The following TOX variants were observed in gnomAD, a reference collection of about 807,000 sequenced individuals.
TOX encodes the protein thymocyte selection-associated high mobility group box protein TOX.
In TOX, 11 loss-of-function variants were observed where a neutral mutation model predicts 53.7. That is an observed-to-expected ratio of 0.20 (90% CI 0.13 to 0.34). The LOEUF is 0.34. TOX is among the 10% of genes least tolerant of loss of function. TOX has a pLI of 1.00. For missense variants in TOX, 570 were observed against 664.6 expected, an observed-to-expected ratio of 0.86 and a Z score of 1.56; for synonymous variants, 225 against 245.3, an observed-to-expected ratio of 0.92 and a Z score of 0.77.
intron 1 of TOX, among the ~76,000 whole-genome samples, chr8:59,106,900 A>G (rs549251856): frequency 6.6e-6 from 1 of 152,300 alleles, no homozygotes; most frequent in Non-Finnish European, 1.5e-5. Context: ...AAATGTGTCA[A>G]AAAGATTTTG....
chr8:59,087,924 T>G (rs1359114008), intron 1 of TOX, among the ~76,000 whole-genome samples: 1 of 152,218 alleles, frequency 6.6e-6, no homozygotes, highest in East Asian at 1.9e-4. Flanking sequence ...ATAAAACCAC[T>G]TTTATTTATG....
At chr8:59,062,385 G>A (rs1804001402) in intron 1 of TOX, among the ~76,000 whole-genome samples, 1 of 152,208 alleles carries the variant, frequency 6.6e-6, no homozygotes, top group Non-Finnish European at 1.5e-5. Flanking sequence ...ACCAGTAAGG[G>A]CTGGTGCAGG....
chr8:58,936,052 T>G (rs1305945433), intron 3 of TOX, among the ~76,000 whole-genome samples: 4 of 152,218 alleles, frequency 2.6e-5, no homozygotes, highest in South Asian at 2.1e-4. Flanking sequence ...CTACACAGGG[T>G]CCTATTGCCA....
intron 1 of TOX, among the ~76,000 whole-genome samples, chr8:59,013,165 T>C (rs1250858091): frequency 6.6e-6 from 1 of 152,170 alleles, no homozygotes; most frequent in African/African-American, 2.4e-5. Flanking sequence ...CACACTATCA[T>C]AAAACTGCTC....
chr8:58,998,358 A>G (rs1406886323), intron 1 of TOX, among the ~76,000 whole-genome samples: 1 of 150,484 alleles, frequency 6.6e-6, no homozygotes, highest in African/African-American at 2.5e-5. Flanking sequence ...GTTCGGTGGC[A>G]TGCACCTGTG....
Position 58,954,122 on chromosome 8 carries a change from T to C in TOX, c.168+5821A>G, listed in dbSNP as rs190384621. On this transcript the variant is annotated intron_variant, in intron 2 of 8. Coordinates refer to ENST00000361421, the MANE Select transcript of TOX (RefSeq NM_014729.3). The stretch of plus-strand genomic sequence containing the variant: ...AAACAACAGCATGATGTTATTGTAA[T>C]AAGCATTGACTGTCATTATCTAGTT... Among the ~76,000 whole-genome samples, 1,023 of 152,282 alleles carry C rather than the reference T, an allele frequency of 6.7e-3. 6 individuals carry two copies. The highest frequency in any genetic ancestry group is 0.024 in the African/African-American group (978 of 41,530).
At chr8:58,914,224 A>C (rs547403530) in intron 3 of TOX, among the ~76,000 whole-genome samples, 51 of 152,320 alleles carry the variant, frequency 3.3e-4, no homozygotes, top group African/African-American at 1.2e-3. Context: ...GTAGCTGTAT[A>C]AACTTAGGCA....
At chr8:58,896,267 A>G (rs1240407394) in intron 3 of TOX, among the ~76,000 whole-genome samples, 2 of 152,152 alleles carry the variant, frequency 1.3e-5, no homozygotes, top group African/African-American at 2.4e-5. Context: ...AGAGGGGAAA[A>G]CACACCCACA....
intron 4 of TOX, 143 bp from the exon 5 acceptor site, chr8:58,838,454 T>A: frequency 3.0e-6 from 2 of 668,348 alleles, no homozygotes. Flanking sequence ...ATTGTTTTGT[T>A]ATTTTTTTTT....
At chr8:58,864,652 CCTTT>C (rs1811065958) in intron 3 of TOX, among the ~76,000 whole-genome samples, 1 of 152,116 alleles carries the variant, frequency 6.6e-6, no homozygotes, top group Admixed American at 6.6e-5. Flanking sequence ...TCCATCAAAA[CCTTT>C]CTTTATATTG....
At chr8:58,842,819 C>T (rs1291272905) in intron 4 of TOX, among the ~76,000 whole-genome samples, 1 of 152,182 alleles carries the variant, frequency 6.6e-6, no homozygotes, top group Non-Finnish European at 1.5e-5. Flanking sequence ...ATAGAAAAGC[C>T]TAAATAATTC....
At chr8:58,998,501 A>ATG (rs1813607564) in intron 1 of TOX, among the ~76,000 whole-genome samples, 1 of 75,852 alleles carries the variant, frequency 1.3e-5, no homozygotes, top group Non-Finnish European at 2.3e-5. Context: ...AAGTATATAT[A>ATG]TATATATATA....
At chr8:58,875,709 A>C (rs1811271408) in intron 3 of TOX, among the ~76,000 whole-genome samples, 3 of 152,234 alleles carry the variant, frequency 2.0e-5, no homozygotes, top group African/African-American at 4.8e-5. Flanking sequence ...AGAAGTGAGC[A>C]GAGGGTATGG....
chr8:58,947,828 G>A (rs543329096), intron 2 of TOX, among the ~76,000 whole-genome samples: 2 of 152,342 alleles, frequency 1.3e-5, no homozygotes, highest in East Asian at 1.9e-4. Flanking sequence ...GATGCGATAA[G>A]TGATCAGGGG....
At chr8:59,077,727 G>A (rs560320922) in intron 1 of TOX, among the ~76,000 whole-genome samples, 39 of 152,188 alleles carry the variant, frequency 2.6e-4, no homozygotes, top group Non-Finnish European at 5.3e-4. Context: ...GGTTGATACT[G>A]AATGAAGTTC....
chr8:58,884,572 G>A (rs1291104269), intron 3 of TOX, among the ~76,000 whole-genome samples: 1 of 152,086 alleles, frequency 6.6e-6, no homozygotes, highest in Non-Finnish European at 1.5e-5. Flanking sequence ...GCTCTTTCTG[G>A]TGCTTCTACC....
chr8:58,927,710 C>T (rs10100038), intron 3 of TOX, among the ~76,000 whole-genome samples: 1,972 of 152,266 alleles, frequency 0.013, 57 homozygotes, highest in African/African-American at 0.045. Flanking sequence ...AAAACCCAGA[C>T]CACAACCTAT....
chr8:59,042,069 T>C (rs1321898579), intron 1 of TOX, among the ~76,000 whole-genome samples: 2 of 152,218 alleles, frequency 1.3e-5, no homozygotes, highest in Non-Finnish European at 2.9e-5. Flanking sequence ...TTGGGAACAC[T>C]TGTACTACAA....
intron 3 of TOX, among the ~76,000 whole-genome samples, chr8:58,918,638 C>T (rs1292712957): frequency 2.3e-5 from 1 of 43,118 alleles, no homozygotes; most frequent in Non-Finnish European, 4.6e-5. Flanking sequence ...CCTTTGAAAA[C>T]TGGCACAAGA....
Sources: allele counts gnomAD v4.1 joint callset (sites outside exome capture counted in the v4.1 genomes callset), GRCh38; gene constraint gnomAD v4.1.1; transcripts MANE v1.5; gene names NCBI Gene and HGNC (gene_info 2026-07-23, HGNC 2026-07-21).